The following PLPP4 variants were observed in gnomAD, a reference collection of about 807,000 sequenced individuals.
PLPP4 encodes phospholipid phosphatase 4.
A neutral mutation model predicts 32.2 loss-of-function variants in PLPP4; 20 were observed. That is an observed-to-expected ratio of 0.62 (90% CI 0.44 to 0.90). The LOEUF is 0.90. PLPP4 is among the 40% of genes least tolerant of loss of function. The probability of loss-of-function intolerance (pLI) is 0.00; values close to 1 mark genes in which losing one functional copy is unlikely to be tolerated. For missense variants in PLPP4, 257 were observed against 353.1 expected (o/e 0.73, Z 2.18); for synonymous variants, 127 against 133.0 (o/e 0.95, Z 0.31).
At chr10:120,565,856 C>T (rs1018744048) in intron 5 of PLPP4, among the ~76,000 whole-genome samples, 6 of 151,992 alleles carry the variant, frequency 3.9e-5, no homozygotes, top group African/African-American at 1.4e-4. Context: ...ACTTATCTTT[C>T]CTTCATTATT....
chr10:120,504,043 A>T (rs2478418), intron 2 of PLPP4, 117 bp downstream of exon 2: 424,115 of 687,410 alleles, frequency 0.62, 133,081 homozygotes, highest in African/African-American at 0.8. Flanking sequence ...AAAGAGAAGG[A>T]GAGCAGCCCA....
chr10:120,520,893 G>T (rs1846121439), intron 4 of PLPP4, 78 bp from the exon 5 acceptor site: 5 of 1,561,558 alleles, frequency 3.2e-6, no homozygotes, highest in Non-Finnish European at 4.4e-6. Context: ...GGGGGCAGTG[G>T]GGAGTTGGGG....
intron 5 of PLPP4, among the ~76,000 whole-genome samples, chr10:120,536,670 G>A (rs1376316956): frequency 4.2e-4 from 5 of 11,966 alleles, no homozygotes; most frequent in Admixed American, 3.1e-3. Context: ...TAAAGCACAG[G>A]CAAAAAAAAA....
At chr10:120,459,103 A>G (rs1039693935) in intron 1 of PLPP4, among the ~76,000 whole-genome samples, 2 of 152,222 alleles carry the variant, frequency 1.3e-5, no homozygotes, top group African/African-American at 2.4e-5. Flanking sequence ...ACAATGGTCT[A>G]TGCAGTAAAT....
At chr10:120,491,975 A>T (rs931035329) in intron 1 of PLPP4, among the ~76,000 whole-genome samples, 2 of 152,224 alleles carry the variant, frequency 1.3e-5, no homozygotes, top group Non-Finnish European at 2.9e-5. Flanking sequence ...TTTGGTATAC[A>T]AATTTTTGGA....
intron 5 of PLPP4, among the ~76,000 whole-genome samples, chr10:120,570,592 G>A (rs957654535): frequency 1.3e-5 from 2 of 152,102 alleles, no homozygotes; most frequent in South Asian, 2.1e-4. Flanking sequence ...TGTGTTTCTT[G>A]TAATCAGTAG....
chr10:120,558,639 G>C (rs34194183), intron 5 of PLPP4, among the ~76,000 whole-genome samples: 9,322 of 152,004 alleles, frequency 0.061, 435 homozygotes, highest in Middle Eastern at 0.14. Context: ...TGGTCTCGAA[G>C]TCCTCACCTT....
chr10:120,496,643 A>T (rs371330706), intron 1 of PLPP4, among the ~76,000 whole-genome samples: 1 of 152,302 alleles, frequency 6.6e-6, no homozygotes, highest in African/African-American at 2.4e-5. Flanking sequence ...TCTCCATAAG[A>T]GTTGGGACCA....
At chr10:120,490,432 G>T (rs2244947) in intron 1 of PLPP4, among the ~76,000 whole-genome samples, 3 of 152,208 alleles carry the variant, frequency 2.0e-5, no homozygotes, top group African/African-American at 7.2e-5. Context: ...CCATTCCTTA[G>T]GGTGGGAGGA....
chr10:120,521,084 T>C lies in PLPP4; in HGVS notation c.434T>C (p.Ile145Thr), dbSNP rs765301276. ...GAGGGCCGCAAAAGCTTCCCCAGCA[T>C]CCATTCCTCCTGTAAGTTCATGGCT... ...VSEGRKSFPS[I>T]HSSFAFSGLG... Residue 145 changes from isoleucine to threonine, a missense_variant, in exon 5 of 7, where the codon ATC becomes ACC. Transcript: ENST00000398250. The C allele has an allele frequency of 6.2e-7, 1 of 1,614,104 alleles. No homozygotes were observed. The highest frequency in any genetic ancestry group is 8.5e-7 in the Non-Finnish European group (1 of 1,179,984).
At chr10:120,536,556 T>A (rs1176280534) in intron 5 of PLPP4, among the ~76,000 whole-genome samples, 1 of 151,054 alleles carries the variant, frequency 6.6e-6, no homozygotes, top group Non-Finnish European at 1.5e-5. Context: ...GAATTAAGGA[T>A]TTAAACATAA....
At chr10:120,557,927 G>C (rs182417184) in intron 5 of PLPP4, among the ~76,000 whole-genome samples, 441 of 152,162 alleles carry the variant, frequency 2.9e-3, no homozygotes, top group Middle Eastern at 0.014. Context: ...CCATACCACA[G>C]TTGTTTAACA....
intron 4 of PLPP4, among the ~76,000 whole-genome samples, chr10:120,519,800 A>G (rs570357317): frequency 6.6e-6 from 1 of 152,230 alleles, no homozygotes; most frequent in African/African-American, 2.4e-5. Flanking sequence ...TATGTTTCCA[A>G]CATTAGCTAA....
chr10:120,580,827 A>C, intron 6 of PLPP4: 1 of 1,251,482 alleles, frequency 8.0e-7, no homozygotes, highest in East Asian at 5.6e-5. Flanking sequence ...GGGTAGAACA[A>C]AAACACTGAA....
At chr10:120,527,956 A>T (rs773180137) in intron 5 of PLPP4, among the ~76,000 whole-genome samples, 7 of 152,154 alleles carry the variant, frequency 4.6e-5, no homozygotes, top group Non-Finnish European at 1.0e-4. Context: ...GAAAGAGGAA[A>T]CAGGAAAGTA....
intron 4 of PLPP4, among the ~76,000 whole-genome samples, chr10:120,519,415 A>C (rs1377545422): frequency 6.6e-6 from 1 of 151,756 alleles, no homozygotes; most frequent in African/African-American, 2.4e-5. Flanking sequence ...ATCTGAATTC[A>C]AGACCTAACT....
At chr10:120,518,118 A>G (rs893078135) in intron 3 of PLPP4, among the ~76,000 whole-genome samples, 1 of 152,168 alleles carries the variant, frequency 6.6e-6, no homozygotes, top group Non-Finnish European at 1.5e-5. Context: ...TCTGTGACTC[A>G]TGTTACCTGC....
At chr10:120,581,738 A>C (rs1221419413) in intron 6 of PLPP4, among the ~76,000 whole-genome samples, 1 of 131,298 alleles carries the variant, frequency 7.6e-6, no homozygotes, top group African/African-American at 3.5e-5. Context: ...AACTGGGCTC[A>C]AGTGTCACCT....
chr10:120,515,247 A>G (rs1247156146), intron 3 of PLPP4, among the ~76,000 whole-genome samples: 1 of 152,178 alleles, frequency 6.6e-6, no homozygotes, highest in East Asian at 1.9e-4. Flanking sequence ...AGGGACTGGA[A>G]TGGGGAGCTG....
Sources: allele counts gnomAD v4.1 joint callset (sites outside exome capture counted in the v4.1 genomes callset), GRCh38; gene constraint gnomAD v4.1.1; transcripts MANE v1.5; gene names NCBI Gene and HGNC (gene_info 2026-07-23, HGNC 2026-07-21).